Variants in GALNTL6 observed in about 807,000 individuals in gnomAD.
GALNTL6 encodes polypeptide N-acetylgalactosaminyltransferase-like 6.
GALNTL6 carries 46 observed loss-of-function variants against 73.7 expected under a neutral mutation model. The ratio of observed to expected loss-of-function variants is 0.62; its 90% CI spans 0.49 to 0.80. GALNTL6 has a LOEUF of 0.80. GALNTL6 is among the 30% of genes least tolerant of loss of function. GALNTL6 has a pLI of 0.00. For missense variants in GALNTL6, 604 were observed against 755.0 expected, an observed-to-expected ratio of 0.80 and a Z score of 2.34; for synonymous variants, 259 against 263.7, an observed-to-expected ratio of 0.98 and a Z score of 0.17.
rs987892943 is a variant in GALNTL6, at chr4:172,453,802, T to C, written c.553+105113T>C. On this transcript the variant is annotated intron_variant, in intron 5 of 12. Coordinates refer to ENST00000506823, the MANE Select transcript of GALNTL6 (RefSeq NM_001034845.3). ...GCATTTATCTGCTTTTTTCTTCTAA[T>C]TCAACAGGCCACTGCGACACCCTTA... 9.2e-3 allele frequency among the ~76,000 whole-genome samples: 1,402 copies of C among 152,300 alleles called. 20 individuals carry two copies. Among genetic ancestry groups the C allele is most frequent in the African/African-American group, 0.032 (1,321 of 41,564 alleles).
chr4:172,500,212 G>A (rs763730081), intron 5 of GALNTL6, among the ~76,000 whole-genome samples: 22 of 152,128 alleles, frequency 1.4e-4, no homozygotes, highest in Non-Finnish European at 2.4e-4. Context: ...CCTGAGCTCA[G>A]GAGTGCGAGA....
intron 5 of GALNTL6, among the ~76,000 whole-genome samples, chr4:172,482,281 A>C (rs1159123816): frequency 6.6e-6 from 1 of 152,214 alleles, no homozygotes; most frequent in Admixed American, 6.5e-5. Context: ...AAGCAGAGGG[A>C]GCTGGCTCCA....
intron 5 of GALNTL6, among the ~76,000 whole-genome samples, chr4:172,445,097 G>T (rs1054105107): frequency 1.3e-5 from 2 of 152,134 alleles, no homozygotes; most frequent in Non-Finnish European, 2.9e-5. Context: ...CTATAACCAG[G>T]GCACTATTCC....
chr4:171,968,849 G>C (rs887858559), intron 2 of GALNTL6, among the ~76,000 whole-genome samples: 2 of 150,210 alleles, frequency 1.3e-5, no homozygotes, highest in Non-Finnish European at 2.9e-5. Flanking sequence ...GGTGGGGGGG[G>C]GGTTGGGGAC....
intron 11 of GALNTL6, among the ~76,000 whole-genome samples, chr4:173,009,606 A>C (rs1333379907): frequency 6.6e-6 from 1 of 152,244 alleles, no homozygotes; most frequent in African/African-American, 2.4e-5. Context: ...GTAGTTTAAC[A>C]GAGGAAGCCT....
At chr4:171,937,526 C>G (rs574624584) in intron 2 of GALNTL6, among the ~76,000 whole-genome samples, 1 of 151,440 alleles carries the variant, frequency 6.6e-6, no homozygotes, top group East Asian at 1.9e-4. Flanking sequence ...AGAAATTACT[C>G]TTTTCCCTTA....
At chr4:172,661,197 G>T (rs1305349337) in intron 5 of GALNTL6, among the ~76,000 whole-genome samples, 2 of 152,064 alleles carry the variant, frequency 1.3e-5, no homozygotes, top group Admixed American at 6.6e-5. Flanking sequence ...TCAGTTGAAG[G>T]CCTCAATAAA....
At chr4:172,845,325 G>C (rs1705490133) in intron 7 of GALNTL6, among the ~76,000 whole-genome samples, 1 of 152,034 alleles carries the variant, frequency 6.6e-6, no homozygotes, top group African/African-American at 2.4e-5. Context: ...CTGGGCCTCA[G>C]AGACATTAAT....
intron 5 of GALNTL6, among the ~76,000 whole-genome samples, chr4:172,734,907 G>C (rs1420452251): frequency 6.6e-6 from 1 of 152,214 alleles, no homozygotes; most frequent in Admixed American, 6.5e-5. Flanking sequence ...GCTTCCGCAT[G>C]GTGTTTGTCC....
intron 11 of GALNTL6, among the ~76,000 whole-genome samples, chr4:173,012,940 C>T (rs1752619436): frequency 6.6e-6 from 1 of 152,116 alleles, no homozygotes; most frequent in Non-Finnish European, 1.5e-5. Context: ...GAGTTCGAGA[C>T]CAGCCTGGCT....
intron 3 of GALNTL6, among the ~76,000 whole-genome samples, chr4:172,303,725 A>G (rs1740022395): frequency 6.6e-6 from 1 of 152,208 alleles, no homozygotes; most frequent in South Asian, 2.1e-4. Context: ...CCCTAATACA[A>G]TACCATTTTA....
At chr4:172,337,206 A>G (rs765753169) in intron 4 of GALNTL6, among the ~76,000 whole-genome samples, 18 of 144,868 alleles carry the variant, frequency 1.2e-4, no homozygotes, top group Admixed American at 2.1e-4. Flanking sequence ...TGGACGGGTC[A>G]TTTTTTTTTT....
At position 171,844,755 on chromosome 4, in the gene GALNTL6, G is replaced by A. The variant is rs534670789; in HGVS notation, c.138+30037G>A. On this transcript the variant is annotated intron_variant, in intron 2 of 12. Coordinates refer to ENST00000506823, the MANE Select transcript of GALNTL6 (RefSeq NM_001034845.3). ...AAATATAACATTGAGAATTGCACTT[G>A]GGGTAATAGGAAGCATATAAATTAA... Among the ~76,000 whole-genome samples the A allele has an allele frequency of 2.6e-5, 4 of 152,240 alleles. 1 individual carries two copies. In the South Asian group the frequency reaches 8.3e-4, roughly 32 times the overall value.
Position 172,229,782 on chromosome 4 carries a change from C to T in GALNTL6, c.247+18C>T, listed in dbSNP as rs370477377. 3.9e-5 allele frequency: 56 copies of T among 1,453,832 alleles called. No homozygotes were observed. The highest frequency in any genetic ancestry group is 4.8e-5 in the Non-Finnish European group (50 of 1,037,098). The allele number at this position is 1,453,832 out of a possible 1,614,324, so 90.1% of individuals were successfully genotyped here. On this transcript the variant is annotated intron_variant, in intron 3 of 12. Coordinates refer to ENST00000506823, the MANE Select transcript of GALNTL6 (RefSeq NM_001034845.3). Reference sequence around the variant, plus strand: ...GCGCTCAGGTATGAAGCTCAGTGTACGCCAAAGTGCTATTTCACTCGCAGC... The same window carrying T: ...GCGCTCAGGTATGAAGCTCAGTGTATGCCAAAGTGCTATTTCACTCGCAGC...
intron 7 of GALNTL6, among the ~76,000 whole-genome samples, chr4:172,814,004 A>G (rs1005925938): frequency 1.3e-5 from 2 of 152,188 alleles, no homozygotes; most frequent in African/African-American, 4.8e-5. Flanking sequence ...AAAGGAAGGC[A>G]TGTTCCCTTC....
chr4:172,663,988 T>A (rs965670998), intron 5 of GALNTL6, among the ~76,000 whole-genome samples: 4 of 150,350 alleles, frequency 2.7e-5, no homozygotes, highest in Non-Finnish European at 4.4e-5. Flanking sequence ...TGAACACACA[T>A]CCACACCCAA....
chr4:172,243,731 C>A (rs764689717), intron 3 of GALNTL6, among the ~76,000 whole-genome samples: 1 of 152,130 alleles, frequency 6.6e-6, no homozygotes, highest in East Asian at 1.9e-4. Context: ...AAATGATTAA[C>A]GGTAGGCTTT....
chr4:172,254,143 T>G (rs1374571568), intron 3 of GALNTL6, among the ~76,000 whole-genome samples: 1 of 151,808 alleles, frequency 6.6e-6, no homozygotes, highest in Non-Finnish European at 1.5e-5. Context: ...AAACGGCTAC[T>G]GTTAATTTAC....
intron 4 of GALNTL6, among the ~76,000 whole-genome samples, chr4:172,341,435 A>G: frequency 7.6e-6 from 1 of 131,614 alleles, no homozygotes; most frequent in Non-Finnish European, 1.6e-5. Context: ...TGGGCGACAG[A>G]GCGAGACTCC....
Sources: allele counts gnomAD v4.1 joint callset (sites outside exome capture counted in the v4.1 genomes callset), GRCh38; gene constraint gnomAD v4.1.1; transcripts MANE v1.5; gene names NCBI Gene and HGNC (gene_info 2026-07-23, HGNC 2026-07-21).